PIGL: variants seen among roughly 807,000 people sequenced by gnomAD.
The protein encoded by PIGL is phosphatidylinositol glycan anchor biosynthesis class L, also known as N-acetylglucosaminyl-phosphatidylinositol de-N-acetylase.
PIGL carries 22 observed loss-of-function variants against 31.1 expected under a neutral mutation model. That is an observed-to-expected ratio of 0.71 (90% confidence interval 0.51 to 1.01). The LOEUF (loss-of-function observed/expected upper bound fraction) is 1.01, where lower values mean the gene tolerates loss of function less well. Ranked by LOEUF, PIGL falls within the 50% of genes least tolerant of loss-of-function variation. PIGL has a pLI of 0.00. For missense variants in PIGL, 302 were observed against 315.9 expected, an observed-to-expected ratio of 0.96 and a Z score of 0.33; for synonymous variants, 131 against 117.4, an observed-to-expected ratio of 1.12 and a Z score of -0.75.
intron 2 of PIGL, among the ~76,000 whole-genome samples, chr17:16,258,184 CT>C (rs1267389616): frequency 3.5e-4 from 36 of 104,336 alleles, no homozygotes; most frequent in Admixed American, 8.8e-4. Flanking sequence ...CTTTTTTTTT[CT>C]TTTTTTTTTT....
intron 2 of PIGL, among the ~76,000 whole-genome samples, chr17:16,286,710 A>T (rs1008227757): frequency 5.9e-5 from 9 of 152,232 alleles, no homozygotes; most frequent in Admixed American, 2.6e-4. Context: ...AGTCACACTT[A>T]AAAGACTGGC....
intron 6 of PIGL, among the ~76,000 whole-genome samples, chr17:16,320,934 C>CT (rs1568848787): frequency 2.2e-4 from 27 of 121,380 alleles, no homozygotes; most frequent in Admixed American, 3.7e-4. Flanking sequence ...TGTGCCTGGC[C>CT]ATTTTTTTTT....
chr17:16,268,275 A>G (rs1002592754), intron 2 of PIGL, among the ~76,000 whole-genome samples: 12 of 152,158 alleles, frequency 7.9e-5, no homozygotes, highest in African/African-American at 2.9e-4. Flanking sequence ...ATGCTATGAT[A>G]TTGGGATAAT....
chr17:16,286,020 C>T (rs1348351241), intron 2 of PIGL, among the ~76,000 whole-genome samples: 1 of 152,252 alleles, frequency 6.6e-6, no homozygotes, highest in Non-Finnish European at 1.5e-5. Context: ...GGTTAGGCTT[C>T]CACGTCCTTG....
At chr17:16,229,677 C>T (rs1191649425) in intron 1 of PIGL, among the ~76,000 whole-genome samples, 1 of 151,904 alleles carries the variant, frequency 6.6e-6, no homozygotes. Context: ...TATAGCCATC[C>T]TAGTAAGTGT....
chr17:16,305,661 C>T (rs2142846007), intron 3 of PIGL, among the ~76,000 whole-genome samples: 1 of 152,304 alleles, frequency 6.6e-6, no homozygotes, highest in South Asian at 2.1e-4. Context: ...CCCAAATCCA[C>T]TAACCAAGGG....
intron 2 of PIGL, among the ~76,000 whole-genome samples, chr17:16,276,421 A>C (rs1344504028): frequency 6.6e-6 from 1 of 152,164 alleles, no homozygotes; most frequent in Non-Finnish European, 1.5e-5. Flanking sequence ...CAGAAAAAAA[A>C]CTTAAAAACT....
chr17:16,322,897 G>A (rs2093111894), intron 6 of PIGL, among the ~76,000 whole-genome samples: 1 of 152,070 alleles, frequency 6.6e-6, no homozygotes, highest in Non-Finnish European at 1.5e-5. Flanking sequence ...AGCCTCTAAG[G>A]ATGATGCTGA....
At chr17:16,237,410 T>C (rs1266038280) in intron 2 of PIGL, among the ~76,000 whole-genome samples, 1 of 145,502 alleles carries the variant, frequency 6.9e-6, no homozygotes, top group East Asian at 2.0e-4. Context: ...GCCTGGCCTA[T>C]TTTTTTTTTT....
intron 6 of PIGL, among the ~76,000 whole-genome samples, chr17:16,319,520 C>T (rs1009846593): frequency 3.3e-5 from 5 of 152,030 alleles, no homozygotes; most frequent in African/African-American, 7.2e-5. Context: ...TTTGGGAGGC[C>T]GAGACAGGCA....
At chr17:16,217,576 C>T (rs1159100171) in intron 1 of PIGL, 115 bp downstream of exon 1, 1 of 815,720 alleles carries the variant, frequency 1.2e-6, no homozygotes, top group African/African-American at 1.7e-5. Flanking sequence ...GTGAATACAC[C>T]GAAGGTCTTA....
intron 2 of PIGL, among the ~76,000 whole-genome samples, chr17:16,274,875 T>C (rs1312780988): frequency 6.6e-6 from 1 of 151,414 alleles, no homozygotes; most frequent in Non-Finnish European, 1.5e-5. Flanking sequence ...CTACTAAATA[T>C]ACAAAAATTA....
At chr17:16,270,635 G>A (rs2092867500) in intron 2 of PIGL, among the ~76,000 whole-genome samples, 2 of 151,942 alleles carry the variant, frequency 1.3e-5, no homozygotes, top group Non-Finnish European at 2.9e-5. Flanking sequence ...AGTGGCTCAC[G>A]CCTGTAATCC....
chr17:16,300,816 A>C (rs2093001547), intron 3 of PIGL, among the ~76,000 whole-genome samples: 1 of 152,218 alleles, frequency 6.6e-6, no homozygotes, highest in Non-Finnish European at 1.5e-5. Context: ...CATTCCAAAA[A>C]ACATGAGAAT....
intron 2 of PIGL, among the ~76,000 whole-genome samples, chr17:16,277,734 A>C (rs944640436): frequency 6.6e-6 from 1 of 152,234 alleles, no homozygotes; most frequent in African/African-American, 2.4e-5. Context: ...GGACAAAGAC[A>C]AGACAACAAT....
intron 2 of PIGL, among the ~76,000 whole-genome samples, chr17:16,272,342 T>C (rs561852428): frequency 6.6e-6 from 1 of 152,352 alleles, no homozygotes; most frequent in South Asian, 2.1e-4. Flanking sequence ...AGTTCTGACC[T>C]ATGCCATGTA....
chr17:16,279,312 T>A (rs933420073), intron 2 of PIGL, among the ~76,000 whole-genome samples: 4 of 152,240 alleles, frequency 2.6e-5, no homozygotes, highest in African/African-American at 9.6e-5. Context: ...GAGCAGCCGG[T>A]CACTTTAAAT....
chr17:16,310,205 T>A (rs2093043204), intron 3 of PIGL, among the ~76,000 whole-genome samples: 1 of 152,188 alleles, frequency 6.6e-6, no homozygotes, highest in Admixed American at 6.5e-5. Flanking sequence ...CTGTTGACTT[T>A]GTCAACATGT....
intron 6 of PIGL, among the ~76,000 whole-genome samples, chr17:16,322,207 T>C (rs1278241562): frequency 6.6e-6 from 1 of 152,066 alleles, no homozygotes; most frequent in Non-Finnish European, 1.5e-5. Context: ...AATTCTCCTG[T>C]CTCAGTCTCC....
Sources: gnomAD v4.1 joint callset for allele counts (sites outside exome capture counted in the v4.1 genomes callset) on GRCh38, gnomAD v4.1.1 for gene constraint, MANE v1.5 for transcripts, NCBI Gene and HGNC (gene_info 2026-07-23, HGNC 2026-07-21) for gene names.